The following DOP1B variants were observed in gnomAD, a reference collection of about 807,000 sequenced individuals.
DOP1B encodes protein DOP1B.
A neutral mutation model predicts 233.5 loss-of-function variants in DOP1B; 174 were observed. The observed-to-expected ratio is 0.75, with a 90% CI of 0.66 to 0.85. The LOEUF (loss-of-function observed/expected upper bound fraction) is 0.85. Among genes scored for constraint, DOP1B ranks in the 40% least tolerant of loss-of-function variants. The pLI, the probability that DOP1B is intolerant of heterozygous loss-of-function variation, is 0.00. For synonymous variants in DOP1B, 1,190 were observed against 1,185.6 expected (o/e 1.00, Z -0.08); for missense variants, 2,652 against 2,846.6 (o/e 0.93, Z 1.56).
In DOP1B at chr21:36,246,673, G is replaced by C; in HGVS notation, c.4693G>C (p.Val1565Leu). 6.2e-7 allele frequency: 1 copy of C among 1,608,660 alleles called. No individual in the cohort carries two copies. Among genetic ancestry groups the C allele is most frequent in the Non-Finnish European group, 8.5e-7 (1 of 1,175,660 alleles). The change falls in exon 19 of 37, where the codon GTC becomes CTC. Residue 1565 changes from valine to leucine, a missense_variant. Physicochemically the swap from Val to Leu is conservative, Grantham distance 32. Coordinates refer to ENST00000691173, the MANE Select transcript of DOP1B (RefSeq NM_001320714.2). The surrounding 1 kb of genome is among the most constrained non-coding windows in gnomAD (Gnocchi z 5.1). ...TGAAAGCGAATCTGTGAAGCTCTCT[G>C]TCAGGTGCGTTACGCTCCTTGTGAC... is the stretch of plus-strand genomic sequence containing the variant. ...QYESESVKLS[V>L]STTSKRENIS... is the part of the protein sequence containing the mutation.
At chr21:36,276,999 A>G in intron 27 of DOP1B, 22 bp from the exon 28 acceptor site, 1 of 1,613,578 alleles carries the variant, frequency 6.2e-7, no homozygotes, top group South Asian at 1.1e-5. Flanking sequence ...GTTAACATAC[A>G]AATGGCTCTT....
intron 26 of DOP1B, among the ~76,000 whole-genome samples, chr21:36,267,561 G>T (rs2067243251): frequency 1.3e-5 from 2 of 150,830 alleles, no homozygotes; most frequent in South Asian, 2.1e-4. Flanking sequence ...GCATGCACCT[G>T]TAGTCCCAGC....
intron 2 of DOP1B, among the ~76,000 whole-genome samples, chr21:36,188,412 G>A (rs1404033375): frequency 2.6e-5 from 4 of 152,162 alleles, no homozygotes; most frequent in African/African-American, 2.4e-5. Context: ...CAAAGCAACC[G>A]GGTCATGCCA....
In DOP1B at chr21:36,288,161, G is replaced by A. The variant is rs765435893; in HGVS notation, c.6297+11G>A. 13 of 1,599,636 alleles carry A rather than the reference G, an allele frequency of 8.1e-6. No homozygotes were observed. Among genetic ancestry groups the A allele is most frequent in the Non-Finnish European group, 1.1e-5 (13 of 1,175,320 alleles). ...ATGGTCTCTGAATTGGTGAGTACAA[G>A]TATTGTAAGTTTGAAAGCAAGGTTG... On this transcript the variant is annotated intron_variant, in intron 33 of 36. Transcript: ENST00000691173.
intron 36 of DOP1B, 135 bp downstream of exon 36, chr21:36,292,368 T>G: frequency 1.5e-6 from 1 of 663,408 alleles, no homozygotes; most frequent in Non-Finnish European, 2.4e-6. Context: ...GTGATTCTCC[T>G]GCCTCAGCTT....
At chr21:36,158,964 C>T (rs796671810) in intron 1 of DOP1B, among the ~76,000 whole-genome samples, 24 of 150,276 alleles carry the variant, frequency 1.6e-4, no homozygotes, top group African/African-American at 5.9e-4. Flanking sequence ...TCTGTCTCTA[C>T]CAAAAATATT....
At chr21:36,241,693 C>CTTTTTTTTTTTTTTTTTTTTT (rs58454212) in intron 18 of DOP1B, among the ~76,000 whole-genome samples, 1 of 105,550 alleles carries the variant, frequency 9.5e-6, no homozygotes, top group Non-Finnish European at 1.8e-5. Flanking sequence ...TTCTTTCTTT[C>CTTTTTTTTTTTTTTTTTTTTT]TTTTTTTTTT....
At chr21:36,161,580 C>T (rs372005882) in intron 1 of DOP1B, among the ~76,000 whole-genome samples, 127 of 152,224 alleles carry the variant, frequency 8.3e-4, no homozygotes, top group Non-Finnish European at 1.5e-3. Flanking sequence ...TCACAACCTC[C>T]GGGGCAGAAG....
chr21:36,228,182 G>A (rs2066715092), intron 13 of DOP1B, among the ~76,000 whole-genome samples: 1 of 151,874 alleles, frequency 6.6e-6, no homozygotes, highest in African/African-American at 2.4e-5. Context: ...TAAAAATTAG[G>A]CCAAGTACAG....
In DOP1B at chr21:36,245,003, G is replaced by A; in HGVS notation, c.3068-45G>A. On this transcript the variant is annotated intron_variant, in intron 18 of 36. Coordinates refer to ENST00000691173, the MANE Select transcript of DOP1B (RefSeq NM_001320714.2). This position sits in a 1 kb window ranked among gnomAD's most constrained non-coding sequence, Gnocchi z 5.5. ...ACCGCCCTACAGCTAATGTATCATA[G>A]CTGACCCTTCTGTCTAAAGTCATTT... is the stretch of plus-strand genomic sequence containing the variant. The A allele has an allele frequency of 6.5e-7, 1 of 1,546,920 alleles. No individual in the cohort carries two copies. The highest frequency in any genetic ancestry group is 8.8e-7 in the Non-Finnish European group (1 of 1,140,940).
At chr21:36,224,281 C>T (rs1331516960) in intron 11 of DOP1B, among the ~76,000 whole-genome samples, 1 of 151,994 alleles carries the variant, frequency 6.6e-6, no homozygotes, top group African/African-American at 2.4e-5. Flanking sequence ...TCCTAAATAG[C>T]TGAGACTACA....
chr21:36,289,068 C>G lies in DOP1B; in HGVS notation c.6377C>G (p.Thr2126Arg). 6.2e-7 allele frequency: 1 copy of G among 1,612,132 alleles called. No homozygotes were observed. The highest frequency in any genetic ancestry group is 8.5e-7 in the Non-Finnish European group (1 of 1,179,612). The part of the protein sequence containing the change: ...SLRSTNKVNR[T>R]KVSVPDANGP... ...AGAAGCACCAACAAAGTAAACAGAACGAAAGTTTCAGTCCCGGATGCAAAT... is the reference window on the plus strand; with the variant it reads ...AGAAGCACCAACAAAGTAAACAGAAGGAAAGTTTCAGTCCCGGATGCAAAT... Residue 2126 changes from threonine (T) to arginine (R), a missense_variant, in exon 35 of 37, where the codon ACG (threonine) becomes AGG (arginine). Physicochemically the swap from Thr to Arg is moderately conservative, Grantham distance 71 (BLOSUM62 -1). This residue lies in a region of DOP1B where 2,617 missense variants were observed against 2,794.3 expected (regional missense o/e 0.94). Transcript: ENST00000691173.
At position 36,225,594 on chromosome 21, in the gene DOP1B, A is replaced by G; in HGVS notation, c.1400A>G (p.Asn467Ser). 2.5e-6 allele frequency: 4 copies of G among 1,614,078 alleles called. No individual in the cohort carries two copies. The highest frequency in any genetic ancestry group is 2.5e-6 in the Non-Finnish European group (3 of 1,180,004). ...GTGAAGCAGCGTTACAGCGTGAGGA[A>G]CAGCGTCAGCCCTCCCCCCACGGTC... ...RPVKQRYSVRNSVSPPPTVSE... is the reference protein window; with the variant it reads ...RPVKQRYSVRSSVSPPPTVSE... Residue 467 changes from asparagine to serine, a missense_variant, in exon 12 of 37, where the codon AAC becomes AGC. Physicochemically the swap from Asn to Ser is conservative, Grantham distance 46. Coordinates refer to ENST00000691173, the MANE Select transcript of DOP1B (RefSeq NM_001320714.2).
At chr21:36,162,433 G>A (rs1399364049) in intron 1 of DOP1B, among the ~76,000 whole-genome samples, 2 of 152,190 alleles carry the variant, frequency 1.3e-5, no homozygotes, top group African/African-American at 4.8e-5. Context: ...GGACTCAAGT[G>A]ATCCACCTGC....
Position 36,232,829 on chromosome 21 carries a change from T to G in DOP1B, c.2376T>G (p.Ser792=). The G allele has an allele frequency of 6.2e-7, 1 of 1,613,032 alleles. No individual in the cohort carries two copies. The highest frequency in any genetic ancestry group is 8.5e-7 in the Non-Finnish European group (1 of 1,179,886). ...GAGCCGGTGATTCCAGTTTTCCATC[T>G]TGGCTGAAGTCCCTCATGACTATTT... ...LPGAGDSSFP[S]WLKSLMTICC... is the part of the protein sequence containing the mutation. Residue 792 remains serine (S), a synonymous_variant, in exon 15 of 37, where the codon TCT becomes TCG. Transcript: ENST00000691173.
Position 36,246,298 on chromosome 21 carries a change from G to GAGCTGCTGA in DOP1B, c.4327_4335dup (p.Lys1443_Leu1445dup). On this transcript the variant is annotated inframe_insertion, in exon 19 of 37. Transcript: ENST00000691173. The surrounding 1 kb of genome is among the most constrained non-coding windows in gnomAD (Gnocchi z 5.1). ...CTGGAGTGAGCACCCGCTGCAGATT[G>GAGCTGCTGA]AGCTGCTGAAGCTGCTGCAGGTGCT... The GAGCTGCTGA allele has an allele frequency of 6.2e-7, 1 of 1,613,960 alleles. No individual in the cohort carries two copies. Among genetic ancestry groups the GAGCTGCTGA allele is most frequent in the Non-Finnish European group, 8.5e-7 (1 of 1,180,026 alleles).
chr21:36,254,337 A>AG (rs1161297196), intron 23 of DOP1B, among the ~76,000 whole-genome samples: 3 of 152,158 alleles, frequency 2.0e-5, no homozygotes, highest in African/African-American at 7.2e-5. Context: ...CACTGCGGTA[A>AG]GGGAAAGTGT....
rs767608809 is a variant in DOP1B, at chr21:36,227,832, G to A, written c.1620G>A (p.Gln540=). The A allele has an allele frequency of 6.2e-7, 1 of 1,611,304 alleles. No homozygotes were observed. Among genetic ancestry groups the A allele is most frequent in the Non-Finnish European group, 8.5e-7 (1 of 1,177,972 alleles). The change falls in exon 13 of 37, where the codon CAG becomes CAA. Residue 540 remains glutamine (Q), a synonymous_variant. Transcript: ENST00000691173. The part of the protein sequence containing the change: ...KTCFKVLSKV[Q]MPPSYLDTES... ...GTTTCAAGGTGCTCAGCAAAGTCCA[G>A]ATGCCTCCTTCCTACCTCGACACGG...
At position 36,237,305 on chromosome 21, in the gene DOP1B, G is replaced by T; in HGVS notation, c.2666G>T (p.Arg889Leu). The change falls in exon 16 of 37, where the codon CGG (arginine) becomes CTG (leucine). Residue 889 changes from arginine to leucine, a missense_variant. Transcript: ENST00000691173. Reference protein sequence around the residue: ...VLWNQLNKETREHHVTCVELF... With the variant: ...VLWNQLNKETLEHHVTCVELF... ...TGGAATCAGCTGAACAAAGAGACCC[G>T]GGAGCATCACGTCACCTGCGTAGAA... is the stretch of plus-strand genomic sequence containing the variant. 6.2e-7 allele frequency: 1 copy of T among 1,614,144 alleles called. No homozygotes were observed. Among genetic ancestry groups the T allele is most frequent in the Non-Finnish European group, 8.5e-7 (1 of 1,180,018 alleles).
Sources: gnomAD v4.1 joint callset for allele counts (sites outside exome capture counted in the v4.1 genomes callset) on GRCh38, gnomAD v4.1.1 for gene constraint, gnomAD v4.1.1 regional missense constraint, Gnocchi (gnomAD v3.1) non-coding constraint, MANE v1.5 for transcripts, NCBI Gene and HGNC (gene_info 2026-07-23, HGNC 2026-07-21) for gene names.